Variants in CFAP20DC observed in about 807,000 individuals in gnomAD.
CFAP20DC encodes protein CFAP20DC.
A neutral mutation model predicts 101.7 loss-of-function variants in CFAP20DC; 84 were observed. The ratio of observed to expected loss-of-function variants is 0.83; its 90% CI spans 0.69 to 0.99. CFAP20DC has a LOEUF of 0.99. Among genes scored for constraint, CFAP20DC ranks in the 50% least tolerant of loss-of-function variants. The probability of loss-of-function intolerance (pLI) is 0.00; values close to 1 mark genes in which losing one functional copy is unlikely to be tolerated. For synonymous variants in CFAP20DC, 359 were observed against 351.2 expected (o/e 1.02, Z -0.25); for missense variants, 1,007 against 970.3 (o/e 1.04, Z -0.50).
intron 5 of CFAP20DC, among the ~76,000 whole-genome samples, chr3:58,929,246 T>A (rs2086312296): frequency 6.6e-6 from 1 of 152,212 alleles, no homozygotes; most frequent in Non-Finnish European, 1.5e-5. Context: ...GTGCACTATG[T>A]GTGTGGGTTA....
intron 5 of CFAP20DC, among the ~76,000 whole-genome samples, chr3:58,924,030 G>A (rs1055951172): frequency 6.6e-6 from 1 of 152,016 alleles, no homozygotes; most frequent in Non-Finnish European, 1.5e-5. Context: ...TACCCATCCA[G>A]TGAATCTTTT....
In CFAP20DC at chr3:58,856,064, G is replaced by C. The variant is rs1025358695; in HGVS notation, c.1594-6655C>G. Among the ~76,000 whole-genome samples, 25 of 148,906 alleles carry C rather than the reference G, an allele frequency of 1.7e-4. 1 individual carries two copies. The highest frequency in any genetic ancestry group is 6.5e-4 in the African/African-American group (25 of 38,594). ...TTCAAAATAAAGTAGAGATTTTCCA[G>C]TTAAAAATATAATACTGAAATAGCT... On this transcript the variant is annotated intron_variant, in intron 12 of 16. Coordinates refer to ENST00000482387, the MANE Select transcript of CFAP20DC (RefSeq NM_001394063.1).
At chr3:59,033,871 G>A (rs1576788783) in intron 4 of CFAP20DC, among the ~76,000 whole-genome samples, 1 of 152,132 alleles carries the variant, frequency 6.6e-6, no homozygotes, top group Non-Finnish European at 1.5e-5. Context: ...TATTCCTTGA[G>A]AAGAGCAACC....
At position 58,729,745 on chromosome 3, in the gene CFAP20DC, C is replaced by G. The variant is rs147062939; in HGVS notation, c.198-12117G>C. ...TATTATTGAAAGTTGAGGCTGGGAT[C>G]GGTGGCTCATGCCTGTAATTCCTAG... On this transcript the variant is annotated intron_variant, in intron 3 of 3. Coordinates refer to the CFAP20DC transcript ENST00000486145. The surrounding 1 kb of genome is among the most constrained non-coding windows in gnomAD (Gnocchi z 4.4). Among the ~76,000 whole-genome samples the G allele has an allele frequency of 6.6e-6, 1 of 152,056 alleles. No homozygotes were observed. The highest frequency in any genetic ancestry group is 1.5e-5 in the Non-Finnish European group (1 of 68,018).
chr3:58,836,023 G>T (rs1165413276), intron 13 of CFAP20DC, among the ~76,000 whole-genome samples: 1 of 152,166 alleles, frequency 6.6e-6, no homozygotes, highest in Admixed American at 6.6e-5. Flanking sequence ...ACGAGGCAAT[G>T]GGCTGAAGGC....
intron 15 of CFAP20DC, among the ~76,000 whole-genome samples, chr3:58,784,608 A>T (rs2072151240): frequency 6.6e-6 from 1 of 152,144 alleles, no homozygotes; most frequent in African/African-American, 2.4e-5. Context: ...TGCTATTGTG[A>T]ATAGTGCTGT....
At chr3:58,961,385 C>G (rs768581842) in intron 4 of CFAP20DC, among the ~76,000 whole-genome samples, 3 of 152,134 alleles carry the variant, frequency 2.0e-5, no homozygotes, top group Non-Finnish European at 2.9e-5. Context: ...GAAACCCCGT[C>G]TCTACTAAAA....
chr3:58,926,031 A>C (rs547300869), intron 5 of CFAP20DC, among the ~76,000 whole-genome samples: 67 of 152,260 alleles, frequency 4.4e-4, no homozygotes, highest in East Asian at 7.7e-4. Context: ...TTCAATACCC[A>C]TATTAGACTG....
At chr3:58,809,699 A>C (rs954371250) in intron 14 of CFAP20DC, among the ~76,000 whole-genome samples, 16 of 152,144 alleles carry the variant, frequency 1.1e-4, no homozygotes, top group African/African-American at 3.4e-4. Context: ...ACATAACTAA[A>C]ATCAGAGCAG....
intron 3 of CFAP20DC, among the ~76,000 whole-genome samples, chr3:58,719,903 G>A (rs185865046): frequency 3.3e-5 from 5 of 152,290 alleles, no homozygotes; most frequent in Middle Eastern, 3.4e-3. Flanking sequence ...CCCTGTCCTC[G>A]GACAAGCCAA....
At chr3:58,797,736 C>T (rs1419743305) in intron 15 of CFAP20DC, among the ~76,000 whole-genome samples, 6 of 150,186 alleles carry the variant, frequency 4.0e-5, no homozygotes, top group African/African-American at 1.2e-4. Flanking sequence ...TTCAAAGCTT[C>T]AAAGCACAGG....
At position 58,806,449 on chromosome 3, in the gene CFAP20DC, T is replaced by C. The variant is rs1281452084; in HGVS notation, c.2183A>G (p.Asn728Ser). Residue 728 changes from asparagine to serine, a missense_variant, in exon 15 of 17, where the codon AAC becomes AGC. Coordinates refer to ENST00000482387, the MANE Select transcript of CFAP20DC (RefSeq NM_001394063.1). ...TTCTTTCTGATAGTGGCGACCCTGG[T>C]TGACAGGCTGGAAAAGACAAAACAT... ...TWNSCLPPPV[N>S]QGRHYQKEMN... The C allele has an allele frequency of 6.2e-7, 1 of 1,611,898 alleles. No homozygotes were observed.
chr3:58,718,582 C>T (rs191829510), intron 3 of CFAP20DC, among the ~76,000 whole-genome samples: 171 of 152,290 alleles, frequency 1.1e-3, no homozygotes, highest in South Asian at 5.4e-3. Flanking sequence ...CCTTGTCCTG[C>T]GGGCACTGCC....
intron 4 of CFAP20DC, among the ~76,000 whole-genome samples, chr3:59,039,239 G>A (rs558500641): frequency 6.6e-6 from 1 of 151,906 alleles, no homozygotes; most frequent in South Asian, 2.1e-4. Context: ...ACATAACATC[G>A]CCCTTCATTC....
intron 6 of CFAP20DC, among the ~76,000 whole-genome samples, chr3:58,910,703 T>C (rs1347370428): frequency 3.3e-5 from 5 of 152,136 alleles, no homozygotes; most frequent in African/African-American, 1.2e-4. Context: ...GGAATCCTTT[T>C]ACTCTGATGG....
At chr3:58,839,966 C>A (rs566469816) in intron 13 of CFAP20DC, among the ~76,000 whole-genome samples, 1 of 152,298 alleles carries the variant, frequency 6.6e-6, no homozygotes, top group Admixed American at 6.5e-5. Flanking sequence ...GCAACCATTG[C>A]ATTAAACACT....
chr3:58,831,981 C>T (rs72881625), intron 13 of CFAP20DC, 92 bp from the exon 14 acceptor site: 34,270 of 1,063,628 alleles, frequency 0.032, 1,264 homozygotes, highest in African/African-American at 0.16. Context: ...ACAGCAGCTC[C>T]CCCAACTGAC....
At position 58,957,887 on chromosome 3, in the gene CFAP20DC, T is replaced by C. The variant is rs1559897148; in HGVS notation, c.279-20125A>G. Among the ~76,000 whole-genome samples the C allele has an allele frequency of 2.0e-5, 3 of 152,146 alleles. No individual in the cohort carries two copies. In the East Asian group the frequency reaches 5.8e-4, roughly 29 times the overall value. On this transcript the variant is annotated intron_variant, in intron 4 of 16. Transcript: ENST00000482387. Reference sequence around the variant, plus strand: ...CAGGTGGTGAGGACATGGGAATGGTTAATGATTACCAAAAAAATAGAATGA... The same window carrying C: ...CAGGTGGTGAGGACATGGGAATGGTCAATGATTACCAAAAAAATAGAATGA...
At chr3:58,974,392 G>GA (rs1168177805) in intron 4 of CFAP20DC, among the ~76,000 whole-genome samples, 1 of 152,058 alleles carries the variant, frequency 6.6e-6, no homozygotes, top group Non-Finnish European at 1.5e-5. Context: ...ATTCACTTAG[G>GA]AAAATGGACC....
Sources: allele counts gnomAD v4.1 joint callset (sites outside exome capture counted in the v4.1 genomes callset), GRCh38; gene constraint gnomAD v4.1.1; non-coding constraint Gnocchi (gnomAD v3.1); transcripts MANE v1.5; gene names NCBI Gene and HGNC (gene_info 2026-07-23, HGNC 2026-07-21).